Variants in RGS7 observed in about 807,000 individuals in gnomAD.
RGS7 encodes regulator of G-protein signaling 7.
Under a neutral mutation model 81.1 loss-of-function variants are expected in RGS7, and 27 were observed. The observed-to-expected ratio is 0.33, with a 90% CI of 0.25 to 0.46. The LOEUF (loss-of-function observed/expected upper bound fraction) is 0.46. RGS7 is among the 20% of genes least tolerant of loss of function. The pLI is 1.00. For synonymous variants in RGS7, 208 were observed against 207.7 expected (o/e 1.00, Z -0.01); for missense variants, 396 against 607.4 (o/e 0.65, Z 3.66).
At chr1:241,033,625 T>C (rs1195496762) in intron 3 of RGS7, among the ~76,000 whole-genome samples, 1 of 152,120 alleles carries the variant, frequency 6.6e-6, no homozygotes, top group Non-Finnish European at 1.5e-5. Context: ...TGATAAAATG[T>C]CCTTTCATTT....
intron 2 of RGS7, among the ~76,000 whole-genome samples, chr1:241,333,080 T>G (rs1418212811): frequency 6.6e-6 from 1 of 152,222 alleles, no homozygotes; most frequent in African/African-American, 2.4e-5. Context: ...TGAAGGGTCT[T>G]TCAGGGACAG....
intron 6 of RGS7, among the ~76,000 whole-genome samples, chr1:240,887,011 A>C (rs1351588721): frequency 6.6e-6 from 1 of 152,136 alleles, no homozygotes; most frequent in Non-Finnish European, 1.5e-5. Flanking sequence ...ATGAGAATAA[A>C]GATACTTGGT....
chr1:241,161,719 C>CTTT (rs140807162), intron 2 of RGS7, among the ~76,000 whole-genome samples: 1 of 129,816 alleles, frequency 7.7e-6, no homozygotes, highest in Non-Finnish European at 1.7e-5. Flanking sequence ...TGTTTTATTG[C>CTTT]TTTTTTTTTT....
At position 241,355,766 on chromosome 1, in the gene RGS7, C is replaced by T; in HGVS notation, c.11G>A (p.Gly4Glu). The T allele has an allele frequency of 6.2e-7, 1 of 1,614,012 alleles. No individual in the cohort carries two copies. Among genetic ancestry groups the T allele is most frequent in the Non-Finnish European group, 8.5e-7 (1 of 1,179,948 alleles). Residue 4 changes from glycine to glutamate, a missense_variant, in exon 2 of 19, where the codon GGG (glycine) becomes GAG (glutamate). Physicochemically the swap from Gly to Glu is moderately conservative, Grantham distance 98. Transcript: ENST00000440928. MAQ[G>E]NNYGQTSNGV... ...GTTGCTGGTCTGCCCATAATTATTC[C>T]CCTGGGCCATGTCACCCAAAACTTG...
intron 2 of RGS7, among the ~76,000 whole-genome samples, chr1:241,259,376 C>T (rs1027448156): frequency 4.6e-5 from 7 of 151,780 alleles, no homozygotes; most frequent in Non-Finnish European, 7.4e-5. Context: ...TATTACTGGC[C>T]AGGCGCAGTG....
intron 2 of RGS7, among the ~76,000 whole-genome samples, chr1:241,192,868 A>AT (rs1159970312): frequency 2.0e-5 from 3 of 152,218 alleles, no homozygotes. Context: ...CAGTAGAGAT[A>AT]TTTTAAAAAT....
intron 2 of RGS7, among the ~76,000 whole-genome samples, chr1:241,258,460 T>C (rs1001498308): frequency 2.0e-5 from 3 of 152,168 alleles, no homozygotes; most frequent in African/African-American, 7.2e-5. Flanking sequence ...AAGCAATTAA[T>C]TCGGTTACAT....
chr1:240,877,031 G>C (rs1265896359), intron 6 of RGS7, among the ~76,000 whole-genome samples: 1 of 151,958 alleles, frequency 6.6e-6, no homozygotes, highest in Non-Finnish European at 1.5e-5. Context: ...TTACCCAAGG[G>C]AATAACAGGA....
At chr1:241,298,129 A>G (rs917879781) in intron 2 of RGS7, among the ~76,000 whole-genome samples, 2 of 152,210 alleles carry the variant, frequency 1.3e-5, no homozygotes, top group Admixed American at 6.5e-5. Flanking sequence ...TAAATCTGCT[A>G]CAAGAACCTT....
rs1344755929 is a variant in RGS7, at chr1:241,312,578, C to T, written c.78+43121G>A. 2.6e-5 allele frequency among the ~76,000 whole-genome samples: 4 copies of T among 151,996 alleles called. No individual in the cohort carries two copies. In the South Asian group the frequency reaches 8.3e-4, roughly 32 times the overall value. On this transcript the variant is annotated intron_variant, in intron 2 of 18. Transcript: ENST00000440928. ...TGTAATTGTTTTAGGGTACCAAAAC[C>T]CACACCCCTTTAAAATGGTGAACTT...
chr1:241,246,606 T>C lies in RGS7; in HGVS notation c.78+109093A>G, dbSNP rs181579161. ...GAGGAAGCATGGCTCTGGATTTCGA[T>C]TGAGTACTATCTACCTGTGAGTAGT... On this transcript the variant is annotated intron_variant, in intron 2 of 18. Transcript: ENST00000440928. 4.5e-4 allele frequency among the ~76,000 whole-genome samples: 68 copies of C among 152,274 alleles called. No homozygotes were observed. The South Asian group carries it at 7.3e-3, about 16-fold the overall frequency.
intron 3 of RGS7, among the ~76,000 whole-genome samples, chr1:241,058,370 A>G (rs75016568): frequency 0.011 from 1,621 of 152,346 alleles, 17 homozygotes; most frequent in Admixed American, 0.021. Context: ...AAGGGATGTA[A>G]GACACCAGAA....
At chr1:241,165,521 A>G (rs1025378338) in intron 2 of RGS7, among the ~76,000 whole-genome samples, 43 of 151,806 alleles carry the variant, frequency 2.8e-4, no homozygotes, top group African/African-American at 9.9e-4. Context: ...TCAGTAAACT[A>G]TCGCAAGAAC....
intron 3 of RGS7, among the ~76,000 whole-genome samples, chr1:241,040,662 G>A (rs968772978): frequency 1.3e-5 from 2 of 151,960 alleles, no homozygotes; most frequent in African/African-American, 4.8e-5. Flanking sequence ...GGCTAATTTT[G>A]TATTTTTAGT....
chr1:241,089,063 C>CTCTCTCTCTCTCTCTCTA (rs1374552672), intron 3 of RGS7, among the ~76,000 whole-genome samples: 2 of 23,688 alleles, frequency 8.4e-5, no homozygotes, highest in African/African-American at 2.3e-4. Flanking sequence ...CTCTCTCTCT[C>CTCTCTCTCTCTCTCTCTA]TATATATATA....
chr1:241,182,619 C>T (rs1355301349), intron 2 of RGS7, among the ~76,000 whole-genome samples: 2 of 150,056 alleles, frequency 1.3e-5, no homozygotes, highest in Admixed American at 6.6e-5. Context: ...GTCTTATGAA[C>T]TGGCTTCTTC....
chr1:240,874,605 T>C (rs530926786), intron 6 of RGS7, among the ~76,000 whole-genome samples: 2 of 152,338 alleles, frequency 1.3e-5, no homozygotes, highest in South Asian at 2.1e-4. Context: ...AATATTTTAG[T>C]TGATAAATGA....
intron 6 of RGS7, among the ~76,000 whole-genome samples, chr1:240,889,615 C>T (rs1158311625): frequency 6.6e-6 from 1 of 152,168 alleles, no homozygotes; most frequent in Admixed American, 6.5e-5. Flanking sequence ...GAGCAGGTAG[C>T]AGACTTTTAA....
At chr1:241,097,800 G>A (rs187344986) in intron 3 of RGS7, among the ~76,000 whole-genome samples, 1 of 152,238 alleles carries the variant, frequency 6.6e-6, no homozygotes, top group East Asian at 1.9e-4. Context: ...TCCAGTCATT[G>A]CCAATCAAAC....
Sources: allele counts gnomAD v4.1 joint callset (sites outside exome capture counted in the v4.1 genomes callset), GRCh38; gene constraint gnomAD v4.1.1; transcripts MANE v1.5; gene names NCBI Gene and HGNC (gene_info 2026-07-23, HGNC 2026-07-21).